The following CNTNAP2 variants were observed in gnomAD, a reference collection of about 807,000 sequenced individuals.
CNTNAP2 encodes contactin-associated protein-like 2.
A neutral mutation model predicts 155.2 loss-of-function variants in CNTNAP2; 98 were observed. That is an observed-to-expected ratio of 0.63 (90% CI 0.54 to 0.75). CNTNAP2 has a LOEUF of 0.75. Among genes scored for constraint, CNTNAP2 ranks in the 30% least tolerant of loss-of-function variants. The pLI is 0.00. For synonymous variants in CNTNAP2, 651 were observed against 631.2 expected, an observed-to-expected ratio of 1.03 and a Z score of -0.47; for missense variants, 1,727 against 1,688.1, an observed-to-expected ratio of 1.02 and a Z score of -0.40.
At chr7:147,424,913 T>C (rs959362349) in intron 10 of CNTNAP2, among the ~76,000 whole-genome samples, 2 of 152,112 alleles carry the variant, frequency 1.3e-5, no homozygotes, top group African/African-American at 2.4e-5. Flanking sequence ...TACCCTCAAT[T>C]TATACCCAGA....
intron 21 of CNTNAP2, among the ~76,000 whole-genome samples, chr7:148,309,638 G>A (rs1797556720): frequency 6.6e-6 from 1 of 151,336 alleles, no homozygotes; most frequent in African/African-American, 2.5e-5. Context: ...CAGTAGGGGA[G>A]CTTTTGAGCC....
At chr7:146,895,613 G>T (rs530415413) in intron 3 of CNTNAP2, among the ~76,000 whole-genome samples, 1 of 151,916 alleles carries the variant, frequency 6.6e-6, no homozygotes, top group African/African-American at 2.4e-5. Context: ...ATATTTATGG[G>T]GTACATCTAT....
intron 1 of CNTNAP2, among the ~76,000 whole-genome samples, chr7:146,229,129 A>T (rs1799342536): frequency 6.6e-6 from 1 of 152,148 alleles, no homozygotes. Context: ...GCAAATTGGA[A>T]CCTTGGATAT....
chr7:147,198,682 A>C (rs1339888334), intron 8 of CNTNAP2, among the ~76,000 whole-genome samples: 1 of 152,184 alleles, frequency 6.6e-6, no homozygotes, highest in African/African-American at 2.4e-5. Context: ...GATGCCTCCT[A>C]ATCCTGTACA....
chr7:148,401,505 A>C (rs898376525), intron 22 of CNTNAP2, among the ~76,000 whole-genome samples: 2 of 152,220 alleles, frequency 1.3e-5, no homozygotes, highest in African/African-American at 4.8e-5. Flanking sequence ...CAAGACATTT[A>C]TCTCACATGA....
intron 1 of CNTNAP2, among the ~76,000 whole-genome samples, chr7:146,128,763 CAA>C (rs1447611124): frequency 1.3e-5 from 2 of 151,870 alleles, no homozygotes; most frequent in African/African-American, 2.4e-5. Context: ...GTTATAGCAA[CAA>C]ATATACATTG....
rs1411591940 is a variant in CNTNAP2, at chr7:146,151,690, ATATATATG to A, written c.97+34725_97+34732del. Among the ~76,000 whole-genome samples the A allele has an allele frequency of 2.2e-3, 86 of 39,244 alleles. 1 individual carries two copies. The highest frequency in any genetic ancestry group is 8.1e-3 in the African/African-American group (67 of 8,292). The allele number at this position is 39,244 out of a possible 152,430, so 25.7% of individuals were successfully genotyped here. A position where few individuals can be genotyped will look rare whatever the true frequency, so the allele number is the denominator to read the frequency against. On this transcript the variant is annotated intron_variant, in intron 1 of 23. Transcript: ENST00000361727. ...TATATATATATATATATGTATATAT[ATATATATG>A]TATATATATATATATGTATATATAT...
chr7:148,041,393 G>A (rs187879633), intron 15 of CNTNAP2, among the ~76,000 whole-genome samples: 195 of 152,332 alleles, frequency 1.3e-3, no homozygotes, highest in Non-Finnish European at 1.4e-3. Context: ...GGTTTTGTAA[G>A]GCACCAACTT....
chr7:146,149,965 C>CA (rs970883729), intron 1 of CNTNAP2, among the ~76,000 whole-genome samples: 2 of 143,130 alleles, frequency 1.4e-5, no homozygotes, highest in African/African-American at 5.2e-5. Context: ...AACAAACAAA[C>CA]AAAAACACTA....
At chr7:148,402,907 A>G (rs1799621769) in intron 22 of CNTNAP2, among the ~76,000 whole-genome samples, 1 of 151,096 alleles carries the variant, frequency 6.6e-6, no homozygotes, top group African/African-American at 2.4e-5. Flanking sequence ...TTTATGTTAG[A>G]TATTTCAATT....
intron 6 of CNTNAP2, chr7:147,121,500 G>T (rs542363829): frequency 7.2e-6 from 2 of 278,010 alleles, no homozygotes; most frequent in Non-Finnish European, 1.4e-5. Flanking sequence ...TTGAGAATGT[G>T]CAGTACATTA....
At position 147,903,981 on chromosome 7, in the gene CNTNAP2, A is replaced by G. The variant is rs200325072; in HGVS notation, c.2255+260A>G. Among the ~76,000 whole-genome samples, 106 of 152,308 alleles carry G rather than the reference A, an allele frequency of 7.0e-4. 1 individual carries two copies. The East Asian group carries it at 0.02, about 28-fold the overall frequency. On this transcript the variant is annotated intron_variant, in intron 14 of 23. Coordinates refer to ENST00000361727, the MANE Select transcript of CNTNAP2 (RefSeq NM_014141.6). ...ATTTTATTCAGAGAGGAAAATAATGAGCCATGTTGTAGACAGTGATTTGCA... is the reference window on the plus strand; with the variant it reads ...ATTTTATTCAGAGAGGAAAATAATGGGCCATGTTGTAGACAGTGATTTGCA...
chr7:146,465,649 T>A (rs1796706599), intron 1 of CNTNAP2, among the ~76,000 whole-genome samples: 1 of 152,232 alleles, frequency 6.6e-6, no homozygotes, highest in South Asian at 2.1e-4. Flanking sequence ...AACCAGCTTC[T>A]GGAGAGGCAT....
intron 3 of CNTNAP2, among the ~76,000 whole-genome samples, chr7:146,881,887 T>C (rs1034174123): frequency 9.2e-5 from 14 of 151,908 alleles, no homozygotes; most frequent in African/African-American, 3.4e-4. Context: ...GTGCTGAGGT[T>C]TGAAGCACAA....
chr7:148,118,102 T>G lies in CNTNAP2; in HGVS notation c.2384-16T>G, dbSNP rs781277883. The G allele has an allele frequency of 2.5e-6, 4 of 1,613,768 alleles. No individual in the cohort carries two copies. The highest frequency in any genetic ancestry group is 3.4e-6 in the Non-Finnish European group (4 of 1,180,022). Reference sequence around the variant, plus strand: ...AGGGTGTGAGTTAACCTGATTTTTTTGTTTTCTTCCCACAGGGAATTATTG... The same window carrying G: ...AGGGTGTGAGTTAACCTGATTTTTTGGTTTTCTTCCCACAGGGAATTATTG... On this transcript the variant is annotated splice_polypyrimidine_tract_variant and intron_variant, in intron 15 of 23. Transcript: ENST00000361727.
intron 2 of CNTNAP2, among the ~76,000 whole-genome samples, chr7:146,783,273 TC>T (rs1182492246): frequency 2.0e-5 from 3 of 152,160 alleles, no homozygotes; most frequent in Non-Finnish European, 4.4e-5. Flanking sequence ...ATAAAAAGTA[TC>T]ACCTTTGTTT....
chr7:148,220,670 T>C (rs540710552), intron 19 of CNTNAP2, among the ~76,000 whole-genome samples: 1 of 151,732 alleles, frequency 6.6e-6, no homozygotes, highest in East Asian at 1.9e-4. Flanking sequence ...CAAAAGTGTT[T>C]GGTTGGATTG....
chr7:147,891,115 T>G (rs1332817619), intron 13 of CNTNAP2, among the ~76,000 whole-genome samples: 2 of 151,950 alleles, frequency 1.3e-5, no homozygotes, highest in Non-Finnish European at 2.9e-5. Context: ...ATAGGATATA[T>G]CCAAAGGAAG....
At chr7:148,142,443 A>G (rs1805095313) in intron 16 of CNTNAP2, among the ~76,000 whole-genome samples, 1 of 152,172 alleles carries the variant, frequency 6.6e-6, no homozygotes, top group African/African-American at 2.4e-5. Context: ...TTCACCATAG[A>G]GTGAGGCTGA....
Sources: allele counts gnomAD v4.1 joint callset (sites outside exome capture counted in the v4.1 genomes callset), GRCh38; gene constraint gnomAD v4.1.1; transcripts MANE v1.5; gene names NCBI Gene and HGNC (gene_info 2026-07-23, HGNC 2026-07-21).